BICDL1: variants seen among roughly 807,000 people sequenced by gnomAD.
The protein encoded by BICDL1 is BICD family like cargo adaptor 1, also known as BICD family-like cargo adapter 1.
Under a neutral mutation model 76.8 loss-of-function variants are expected in BICDL1, and 20 were observed. The ratio of observed to expected loss-of-function variants is 0.26; its 90% CI spans 0.18 to 0.38. BICDL1 has a LOEUF of 0.38. BICDL1 is among the 10% of genes least tolerant of loss of function. The pLI, the probability that BICDL1 is intolerant of heterozygous loss-of-function variation, is 1.00. For missense variants in BICDL1, 700 were observed against 798.6 expected, an observed-to-expected ratio of 0.88 and a Z score of 1.49; for synonymous variants, 383 against 337.1, an observed-to-expected ratio of 1.14 and a Z score of -1.49.
intron 2 of BICDL1, among the ~76,000 whole-genome samples, chr12:120,045,713 G>A (rs1952733831): frequency 6.9e-6 from 1 of 144,458 alleles, no homozygotes; most frequent in Non-Finnish European, 1.5e-5. Context: ...GGTGGGAATT[G>A]AACAATGAGA....
At chr12:120,033,367 CTTTTT>C (rs569302592) in intron 2 of BICDL1, among the ~76,000 whole-genome samples, 11 of 77,608 alleles carry the variant, frequency 1.4e-4, no homozygotes, top group Admixed American at 6.5e-4. Flanking sequence ...GAGTTCTTGC[CTTTTT>C]TTTTTTTTTT....
intron 6 of BICDL1, 63 bp from the exon 7 acceptor site, chr12:120,074,380 C>T (rs970011074): frequency 4.0e-6 from 4 of 1,007,576 alleles, no homozygotes; most frequent in Admixed American, 5.7e-5. Context: ...CATCTCTCTC[C>T]CCCTTCCCTA....
chr12:120,003,652 A>C (rs180854707), intron 2 of BICDL1, among the ~76,000 whole-genome samples: 9 of 152,364 alleles, frequency 5.9e-5, no homozygotes. Flanking sequence ...CTGGAATTGC[A>C]TAAAAAGCCA....
rs1952082916 is a variant in BICDL1, at chr12:120,017,183, A to G, written c.645+18447A>G. On this transcript the variant is annotated intron_variant, in intron 2 of 9. Transcript: ENST00000548673. Reference sequence around the variant, plus strand: ...AGTGCTGGAATTACAGGCGTGAGCCATCGTGCCCAGCCTAGATGTTGTTTT... The same window carrying G: ...AGTGCTGGAATTACAGGCGTGAGCCGTCGTGCCCAGCCTAGATGTTGTTTT... Among the ~76,000 whole-genome samples the G allele has an allele frequency of 3.3e-5, 5 of 152,264 alleles. No individual in the cohort carries two copies. In the South Asian group the frequency reaches 1.0e-3, roughly 32 times the overall value.
In BICDL1 at chr12:119,994,624, G is replaced by T. The variant is rs12316647; in HGVS notation, c.430-3897G>T. ...CCTGCCTCAGCCTCCTGAGTAGCTGGGACTACTGGTATACACCACCATGCC... is the reference window on the plus strand; with the variant it reads ...CCTGCCTCAGCCTCCTGAGTAGCTGTGACTACTGGTATACACCACCATGCC... On this transcript the variant is annotated intron_variant, in intron 1 of 9. Transcript: ENST00000548673. Among the ~76,000 whole-genome samples the T allele has an allele frequency of 3.5e-3, 527 of 152,048 alleles. 2 individuals carry two copies. The highest frequency in any genetic ancestry group is 0.012 in the African/African-American group (492 of 41,468).
rs943331157 is a variant in BICDL1, at chr12:120,093,631, T to G, written c.*470T>G. The G allele has an allele frequency of 7.6e-5, 13 of 170,684 alleles. No homozygotes were observed. The highest frequency in any genetic ancestry group is 1.7e-4 in the Admixed American group (3 of 17,992). The allele number at this position is 170,684 out of a possible 1,614,324, so 10.6% of individuals were successfully genotyped here. ...GGGGGCAGCGGGCCAGGCCTGAGCC[T>G]CCATTCCTTCCCCAGCCCCTGGCCC... On this transcript the variant is annotated 3_prime_UTR_variant, in exon 10 of 10. Transcript: ENST00000548673.
chr12:120,058,399 C>G (rs577615070), intron 2 of BICDL1, among the ~76,000 whole-genome samples: 5 of 152,194 alleles, frequency 3.3e-5, no homozygotes, highest in African/African-American at 1.2e-4. Flanking sequence ...TGCATCTCTG[C>G]GGCTTCGTTG....
intron 2 of BICDL1, among the ~76,000 whole-genome samples, chr12:120,001,255 C>CT (rs575992879): frequency 6.0e-5 from 9 of 151,036 alleles, no homozygotes; most frequent in African/African-American, 1.7e-4. Context: ...TTTTCTTCTT[C>CT]TTTTTTTTTG....
intron 8 of BICDL1, among the ~76,000 whole-genome samples, chr12:120,087,826 AAAT>A (rs1368283603): frequency 6.6e-6 from 1 of 152,344 alleles, no homozygotes; most frequent in East Asian, 1.9e-4. Flanking sequence ...ACAAATGTGA[AAAT>A]AAAAAAATGC....
At chr12:119,990,416 T>A in intron 1 of BICDL1, 119 bp downstream of exon 1, 15 of 1,487,708 alleles carry the variant, frequency 1.0e-5, no homozygotes, top group Non-Finnish European at 1.3e-5. Flanking sequence ...TCGCAGAAAA[T>A]CTGGAATGAA....
chr12:120,033,256 G>A (rs1270927372), intron 2 of BICDL1, among the ~76,000 whole-genome samples: 1 of 151,470 alleles, frequency 6.6e-6, no homozygotes, highest in African/African-American at 2.4e-5. Flanking sequence ...TATGTCTGGT[G>A]CATTATGCCT....
intron 8 of BICDL1, among the ~76,000 whole-genome samples, chr12:120,088,737 G>A (rs1330026227): frequency 2.0e-5 from 3 of 151,486 alleles, no homozygotes; most frequent in African/African-American, 4.9e-5. Context: ...CGCGATCTGG[G>A]CTTACTGCAA....
intron 7 of BICDL1, among the ~76,000 whole-genome samples, chr12:120,076,158 C>A (rs983032483): frequency 2.0e-5 from 3 of 152,302 alleles, no homozygotes; most frequent in Admixed American, 2.0e-4. Context: ...GACTCTGTCT[C>A]AAAAAGTTGT....
chr12:120,001,156 C>CT (rs1951751678), intron 2 of BICDL1, among the ~76,000 whole-genome samples: 1 of 151,994 alleles, frequency 6.6e-6, no homozygotes, highest in Admixed American at 6.5e-5. Context: ...GTTTTATTAA[C>CT]TGAGTATCCA....
At chr12:120,089,500 C>G (rs1001822241) in intron 8 of BICDL1, among the ~76,000 whole-genome samples, 3 of 152,200 alleles carry the variant, frequency 2.0e-5, no homozygotes, top group African/African-American at 7.2e-5. Flanking sequence ...ATTCTCCTGC[C>G]TCAGCCCGAG....
At chr12:120,086,405 C>A (rs902490270) in intron 8 of BICDL1, among the ~76,000 whole-genome samples, 3 of 152,230 alleles carry the variant, frequency 2.0e-5, no homozygotes, top group African/African-American at 7.2e-5. Flanking sequence ...TCTGATTCTC[C>A]ATCCTGGCCG....
In BICDL1 at chr12:120,025,152, A is replaced by G. The variant is rs185970822; in HGVS notation, c.645+26416A>G. On this transcript the variant is annotated intron_variant, in intron 2 of 9. Transcript: ENST00000548673. ...GCAGGCTCCGCCCCCTGGGGTTCACACCATTCTCCCGCCTCAGCCTCCCGA... is the reference window on the plus strand; with the variant it reads ...GCAGGCTCCGCCCCCTGGGGTTCACGCCATTCTCCCGCCTCAGCCTCCCGA... Among the ~76,000 whole-genome samples the G allele has an allele frequency of 2.5e-3, 376 of 148,550 alleles. 7 individuals carry two copies. In the East Asian group the frequency reaches 0.05, roughly 20 times the overall value.
intron 1 of BICDL1, among the ~76,000 whole-genome samples, 187 bp downstream of exon 1, chr12:119,990,484 C>T (rs1262976041): frequency 2.0e-5 from 3 of 152,186 alleles, no homozygotes; most frequent in Non-Finnish European, 4.4e-5. Flanking sequence ...ACTTCCCCAC[C>T]CCGCTCACAG....
intron 9 of BICDL1, chr12:120,092,722 G>C (rs985390313): frequency 2.0e-6 from 2 of 985,314 alleles, no homozygotes; most frequent in Non-Finnish European, 2.4e-6. Flanking sequence ...GAGACCACCC[G>C]AGCCATCAGC....
Sources: allele counts gnomAD v4.1 joint callset (sites outside exome capture counted in the v4.1 genomes callset), GRCh38; gene constraint gnomAD v4.1.1; transcripts MANE v1.5; gene names NCBI Gene and HGNC (gene_info 2026-07-23, HGNC 2026-07-21).